UGT3A2: variants seen among roughly 807,000 people sequenced by gnomAD.
UGT3A2 encodes the protein UDP glycosyltransferase family 3 member A2, also known as UDP-glycosyltransferase 3A2.
Under a neutral mutation model 39.8 loss-of-function variants are expected in UGT3A2, and 32 were observed. That is an observed-to-expected ratio of 0.80 (90% CI 0.61 to 1.08). UGT3A2 has a LOEUF of 1.08. Among genes scored for constraint, UGT3A2 ranks in the 50% least tolerant of loss-of-function variants. UGT3A2 has a pLI of 0.00. For synonymous variants in UGT3A2, 241 were observed against 230.7 expected (o/e 1.04, Z -0.40); for missense variants, 611 against 637.1 (o/e 0.96, Z 0.44).
At chr5:36,064,409 T>C in intron 1 of UGT3A2, 59 bp from the exon 2 acceptor site, 2 of 1,421,040 alleles carry the variant, frequency 1.4e-6, no homozygotes, top group Middle Eastern at 1.8e-4. Context: ...CTGAAGTCAG[T>C]AGTGATCAAT....
At chr5:36,052,184 T>C (rs1388995046) in intron 2 of UGT3A2, among the ~76,000 whole-genome samples, 200 bp from the exon 3 acceptor site, 1 of 152,222 alleles carries the variant, frequency 6.6e-6, no homozygotes, top group Non-Finnish European at 1.5e-5. Flanking sequence ...AATAGCACAA[T>C]CCTAGCTCAT....
At chr5:36,054,307 A>G (rs1742438934) in intron 2 of UGT3A2, among the ~76,000 whole-genome samples, 1 of 152,238 alleles carries the variant, frequency 6.6e-6, no homozygotes, top group African/African-American at 2.4e-5. Context: ...ATAGGAATTC[A>G]GACATGTATA....
chr5:36,044,368 C>A (rs771587647), intron 4 of UGT3A2, among the ~76,000 whole-genome samples: 10 of 151,896 alleles, frequency 6.6e-5, no homozygotes, highest in Non-Finnish European at 1.3e-4. Flanking sequence ...TATGACACAC[C>A]CAAAGTTAGT....
chr5:36,056,432 C>G (rs570231942), intron 2 of UGT3A2, among the ~76,000 whole-genome samples: 26 of 152,166 alleles, frequency 1.7e-4, no homozygotes, highest in Non-Finnish European at 2.1e-4. Context: ...GCTTTCTGAA[C>G]CTTGGAGGAC....
intron 6 of UGT3A2, among the ~76,000 whole-genome samples, chr5:36,036,821 T>C (rs1169153183): frequency 6.6e-6 from 1 of 152,232 alleles, no homozygotes; most frequent in African/African-American, 2.4e-5. Context: ...AGGTCCGATT[T>C]TGGTTTGTGC....
intron 3 of UGT3A2, among the ~76,000 whole-genome samples, chr5:36,050,471 G>A (rs1742307540): frequency 6.6e-6 from 1 of 152,226 alleles, no homozygotes; most frequent in Admixed American, 6.5e-5. Context: ...GTTAGAGAAG[G>A]TCCCTCACTA....
chr5:36,066,129 G>T (rs1383985199), intron 1 of UGT3A2, among the ~76,000 whole-genome samples: 2 of 152,084 alleles, frequency 1.3e-5, no homozygotes, highest in African/African-American at 4.8e-5. Flanking sequence ...CTCAGCCCTC[G>T]GCAGTTCTCC....
intron 1 of UGT3A2, among the ~76,000 whole-genome samples, chr5:36,065,541 A>G (rs551301700): frequency 6.6e-6 from 1 of 152,264 alleles, no homozygotes; most frequent in East Asian, 1.9e-4. Flanking sequence ...GTGTACTTTC[A>G]AGAAGTTAAG....
chr5:36,048,994 C>T lies in UGT3A2; in HGVS notation c.738G>A (p.Leu246=), dbSNP rs145496522. 6.6e-5 allele frequency: 106 copies of T among 1,614,196 alleles called. 1 individual carries two copies. In the African/African-American group the frequency reaches 1.1e-3, roughly 17 times the overall value. The stretch of plus-strand genomic sequence containing the variant: ...AGGCAAAGTCAGAGTTAATGAACCA[C>T]AACTCTGCTTTCAGTAGAAGATGAG... ...VLSHLLLKAE[L]WFINSDFAFD... is the part of the protein sequence containing the mutation. The change falls in exon 4 of 7, where the codon TTG becomes TTA. Residue 246 remains leucine (L), a synonymous_variant. Coordinates refer to ENST00000282507, the MANE Select transcript of UGT3A2 (RefSeq NM_174914.4).
chr5:36,061,863 T>C (rs898838477), intron 2 of UGT3A2, among the ~76,000 whole-genome samples: 5 of 151,668 alleles, frequency 3.3e-5, no homozygotes, highest in African/African-American at 1.2e-4. Flanking sequence ...ACCAACAGTG[T>C]AAAAGTGTTC....
chr5:36,053,398 A>G (rs1334678399), intron 2 of UGT3A2, among the ~76,000 whole-genome samples: 1 of 152,180 alleles, frequency 6.6e-6, no homozygotes, highest in African/African-American at 2.4e-5. Context: ...CACTTTAAAG[A>G]CAACATATTC....
intron 4 of UGT3A2, among the ~76,000 whole-genome samples, chr5:36,044,219 C>G (rs758438983): frequency 6.6e-6 from 1 of 151,920 alleles, no homozygotes; most frequent in Non-Finnish European, 1.5e-5. Flanking sequence ...ATCATATCAA[C>G]AGAATGAATG....
intron 4 of UGT3A2, among the ~76,000 whole-genome samples, chr5:36,044,234 A>C (rs890667050): frequency 6.6e-6 from 1 of 152,154 alleles, no homozygotes; most frequent in Non-Finnish European, 1.5e-5. Flanking sequence ...TGAATGAAAA[A>C]AACCATATGA....
At position 36,049,418 on chromosome 5, in the gene UGT3A2, C is replaced by G; in HGVS notation, c.314G>C (p.Gly105Ala). The G allele has an allele frequency of 6.5e-7, 1 of 1,544,566 alleles. No individual in the cohort carries two copies. Among genetic ancestry groups the G allele is most frequent in the Non-Finnish European group, 8.7e-7 (1 of 1,149,146 alleles). Residue 105 changes from glycine (G) to alanine (A), a missense_variant and splice_region_variant, in exon 4 of 7, where the codon GGA becomes GCA. Physicochemically the swap from Gly to Ala is moderately conservative, Grantham distance 60. Transcript: ENST00000282507. ...FFLEETLGGR[G>A]KFENLLNVLE... The stretch of plus-strand genomic sequence containing the variant: ...AACATTTAATAAGTTTTCAAATTTT[C>G]CTCTGTAAGAAAAAAATGATAATAA...
intron 1 of UGT3A2, among the ~76,000 whole-genome samples, chr5:36,066,048 C>T (rs1488369308): frequency 2.0e-5 from 3 of 152,154 alleles, no homozygotes. Flanking sequence ...CCATGAATCC[C>T]TCAAATAACG....
Position 36,037,929 on chromosome 5 carries a change from A to AT in UGT3A2, c.1162dup (p.Ile388AsnfsTer9). On this transcript the variant is annotated frameshift_variant, in exon 6 of 7. Transcript: ENST00000282507. LOFTEE classifies it high-confidence loss of function. ...TTCAGGCTGGTCTCCAAAGAGAGGG[A>AT]TCCCCACCATGGGCACACCATGCTG... 1 of 1,614,158 alleles carries AT rather than the reference A, an allele frequency of 6.2e-7. No homozygotes were observed. Among genetic ancestry groups the AT allele is most frequent in the Non-Finnish European group, 8.5e-7 (1 of 1,180,018 alleles).
At position 36,048,900 on chromosome 5, in the gene UGT3A2, G is replaced by A; in HGVS notation, c.832C>T (p.Pro278Ser). 10 of 1,613,982 alleles carry A rather than the reference G, an allele frequency of 6.2e-6. No homozygotes were observed. In the South Asian group the frequency reaches 1.1e-4, roughly 18 times the overall value. ...GAGGGTTCACTTACTTGTGGTACTG[G>A]TTTAATAGGTTTTTCCATCAAGCCT... Reference protein sequence around the residue: ...VGGLMEKPIKPVPQDLENFIA... With the variant: ...VGGLMEKPIKSVPQDLENFIA... The change falls in exon 4 of 7, where the codon CCA becomes TCA. Residue 278 changes from proline to serine, a missense_variant. Physicochemically the swap from Pro to Ser is moderately conservative, Grantham distance 74. Coordinates refer to ENST00000282507, the MANE Select transcript of UGT3A2 (RefSeq NM_174914.4).
intron 4 of UGT3A2, among the ~76,000 whole-genome samples, chr5:36,045,047 C>T (rs188015975): frequency 6.6e-5 from 10 of 152,152 alleles, no homozygotes; most frequent in Non-Finnish European, 1.3e-4. Context: ...GCAAAAAGAA[C>T]AAAACTGGAA....
At chr5:36,038,061 T>G (rs766685712) in intron 5 of UGT3A2, 45 bp from the exon 6 acceptor site, 1 of 1,539,224 alleles carries the variant, frequency 6.5e-7, no homozygotes, top group South Asian at 1.3e-5. Context: ...GGATGAAAAT[T>G]TCAAAACATC....
Sources: gnomAD v4.1 joint callset for allele counts (sites outside exome capture counted in the v4.1 genomes callset) on GRCh38, gnomAD v4.1.1 for gene constraint, MANE v1.5 for transcripts, NCBI Gene and HGNC (gene_info 2026-07-23, HGNC 2026-07-21) for gene names.